Variants in HIVEP3 observed in about 807,000 individuals in gnomAD.
HIVEP3 encodes transcription factor HIVEP3.
In HIVEP3, 49 loss-of-function variants were observed where a neutral mutation model predicts 152.8. The ratio of observed to expected loss-of-function variants is 0.32; its 90% CI spans 0.26 to 0.41. The LOEUF (loss-of-function observed/expected upper bound fraction) is 0.41, where lower values mean the gene tolerates loss of function less well. Ranked by LOEUF, HIVEP3 falls within the 10% of genes least tolerant of loss-of-function variation. The pLI is 1.00. For synonymous variants in HIVEP3, 1,269 were observed against 1,289.0 expected, an observed-to-expected ratio of 0.98 and a Z score of 0.33; for missense variants, 2,790 against 3,103.3, an observed-to-expected ratio of 0.90 and a Z score of 2.40.
intron 1 of HIVEP3, among the ~76,000 whole-genome samples, chr1:41,889,919 G>T (rs757786535): frequency 6.6e-6 from 1 of 152,186 alleles, no homozygotes; most frequent in Non-Finnish European, 1.5e-5. Context: ...TGGCTTGCCC[G>T]GAATTAACAA....
intron 1 of HIVEP3, among the ~76,000 whole-genome samples, chr1:41,971,407 G>C (rs1645227831): frequency 6.6e-6 from 1 of 152,154 alleles, no homozygotes; most frequent in Non-Finnish European, 1.5e-5. Flanking sequence ...CTATTTTCCA[G>C]ATTCATCTTT....
At chr1:41,931,423 T>A (rs1644995125) in intron 1 of HIVEP3, among the ~76,000 whole-genome samples, 1 of 152,088 alleles carries the variant, frequency 6.6e-6, no homozygotes, top group Admixed American at 6.6e-5. Context: ...TGGGTCTACC[T>A]CTGGGCTCTC....
At chr1:41,528,625 C>A (rs1358260362) in intron 5 of HIVEP3, among the ~76,000 whole-genome samples, 3 of 108,608 alleles carry the variant, frequency 2.8e-5, no homozygotes, top group African/African-American at 7.5e-5. Context: ...TCACACCCCA[C>A]CCTCACACTC....
At chr1:41,752,337 C>T (rs542964963) in intron 1 of HIVEP3, among the ~76,000 whole-genome samples, 1 of 152,340 alleles carries the variant, frequency 6.6e-6, no homozygotes, top group East Asian at 1.9e-4. Context: ...CTGAATGCCT[C>T]TGTGCCAAGC....
chr1:41,748,373 A>G (rs1437624049), intron 1 of HIVEP3, among the ~76,000 whole-genome samples: 1 of 152,194 alleles, frequency 6.6e-6, no homozygotes, highest in Non-Finnish European at 1.5e-5. Context: ...CCAAAGCCAC[A>G]CATATCTTTG....
chr1:41,674,633 T>A (rs1645926817), intron 2 of HIVEP3, among the ~76,000 whole-genome samples: 1 of 152,210 alleles, frequency 6.6e-6, no homozygotes, highest in Non-Finnish European at 1.5e-5. Flanking sequence ...AATGGCCTAT[T>A]CACAGGTGTC....
At chr1:41,813,316 C>G (rs913157863) in intron 1 of HIVEP3, among the ~76,000 whole-genome samples, 1 of 152,198 alleles carries the variant, frequency 6.6e-6, no homozygotes, top group South Asian at 2.1e-4. Flanking sequence ...CCAGCAGGAG[C>G]AACACTAGGC....
chr1:41,526,473 C>T (rs1642918004), intron 5 of HIVEP3, among the ~76,000 whole-genome samples: 1 of 141,698 alleles, frequency 7.1e-6, no homozygotes, highest in Non-Finnish European at 1.5e-5. Context: ...CCCCCACACT[C>T]ACCTTCACAC....
At chr1:41,778,090 G>A (rs1260039697) in intron 1 of HIVEP3, among the ~76,000 whole-genome samples, 1 of 152,158 alleles carries the variant, frequency 6.6e-6, no homozygotes, top group Non-Finnish European at 1.5e-5. Flanking sequence ...CTCAAAGACA[G>A]CAGATGATGC....
intron 1 of HIVEP3, among the ~76,000 whole-genome samples, chr1:42,032,526 A>C (rs567567480): frequency 2.2e-4 from 33 of 152,314 alleles, no homozygotes; most frequent in African/African-American, 7.5e-4. Flanking sequence ...CAGGTCTTGC[A>C]TTAGCCACGG....
At chr1:41,546,052 A>G (rs776313836) in intron 5 of HIVEP3, among the ~76,000 whole-genome samples, 2 of 152,228 alleles carry the variant, frequency 1.3e-5, no homozygotes, top group Non-Finnish European at 2.9e-5. Flanking sequence ...CTGAGTGACC[A>G]TGGCCCCTCT....
At chr1:41,866,825 G>A (rs952668434) in intron 1 of HIVEP3, among the ~76,000 whole-genome samples, 4 of 152,178 alleles carry the variant, frequency 2.6e-5, no homozygotes, top group Non-Finnish European at 4.4e-5. Context: ...GCATGCTAAA[G>A]GTCATTTACA....
chr1:41,992,220 C>G, intron 1 of HIVEP3, among the ~76,000 whole-genome samples: 1 of 151,972 alleles, frequency 6.6e-6, no homozygotes, highest in Non-Finnish European at 1.5e-5. Context: ...TCCCTCTTTG[C>G]AGATGACATG....
intron 3 of HIVEP3, among the ~76,000 whole-genome samples, chr1:41,617,272 T>C (rs533014971): frequency 2.6e-4 from 40 of 152,246 alleles, no homozygotes; most frequent in Non-Finnish European, 5.0e-4. Flanking sequence ...ATAGGCCGGA[T>C]TTCCAGAAGT....
rs185928396 is a variant in HIVEP3, at chr1:41,538,116, G to T, written c.5208-13206C>A. Among the ~76,000 whole-genome samples, 566 of 152,340 alleles carry T rather than the reference G, an allele frequency of 3.7e-3. 3 individuals are homozygous for T. Among genetic ancestry groups the T allele is most frequent in the Non-Finnish European group, 6.1e-3 (416 of 68,024 alleles). On this transcript the variant is annotated intron_variant, in intron 5 of 8. Transcript: ENST00000372583. ...ACGGATGATGAGAGGAGGAACCAGT[G>T]GGGGTGGGTGTCAGGTGGCTTCTGC...
At chr1:41,827,858 G>C (rs1255563942) in intron 1 of HIVEP3, among the ~76,000 whole-genome samples, 1 of 151,988 alleles carries the variant, frequency 6.6e-6, no homozygotes, top group African/African-American at 2.4e-5. Context: ...TATGGGCAGG[G>C]CTTGGGGGGC....
At chr1:41,675,246 C>T (rs912975483) in intron 2 of HIVEP3, among the ~76,000 whole-genome samples, 2 of 152,176 alleles carry the variant, frequency 1.3e-5, no homozygotes, top group African/African-American at 4.8e-5. Context: ...GCCCCTCCTG[C>T]CACATCTCCC....
At chr1:41,628,605 A>G (rs888207124) in intron 3 of HIVEP3, 144 bp downstream of exon 3, 3 of 651,220 alleles carry the variant, frequency 4.6e-6, no homozygotes, top group East Asian at 3.5e-5. Flanking sequence ...TTTCACAACA[A>G]CTTTCACAGA....
Position 41,512,933 on chromosome 1 carries a change from G to A in HIVEP3, c.6288C>T (p.Ser2096=). Residue 2096 remains serine (S), a synonymous_variant, in exon 8 of 9, where the codon AGC becomes AGT. Coordinates refer to ENST00000372583, the MANE Select transcript of HIVEP3 (RefSeq NM_024503.5). ...CTGGGCCATGCTCCCCCGCTGAGGGGCTGCCCGGCCCAGCCAAGGCCCACT... is the reference window on the plus strand; with the variant it reads ...CTGGGCCATGCTCCCCCGCTGAGGGACTGCCCGGCCCAGCCAAGGCCCACT... ...PGKWALAGPG[S]PSAGEHGPGL... 1 of 1,601,086 alleles carries A rather than the reference G, an allele frequency of 6.2e-7. No individual in the cohort carries two copies. Among genetic ancestry groups the A allele is most frequent in the Non-Finnish European group, 8.5e-7 (1 of 1,174,280 alleles).
Sources: allele counts gnomAD v4.1 joint callset (sites outside exome capture counted in the v4.1 genomes callset), GRCh38; gene constraint gnomAD v4.1.1; transcripts MANE v1.5; gene names NCBI Gene and HGNC (gene_info 2026-07-23, HGNC 2026-07-21).